The following RBFOX1 variants were observed in gnomAD, a reference collection of about 807,000 sequenced individuals.
The protein encoded by RBFOX1 is RNA binding fox-1 homolog 1.
In RBFOX1, 8 loss-of-function variants were observed where a neutral mutation model predicts 57.7. The observed-to-expected ratio is 0.14, with a 90% CI of 0.08 to 0.25. The LOEUF is 0.25. RBFOX1 is among the 10% of genes least tolerant of loss of function. The pLI, the probability that RBFOX1 is intolerant of heterozygous loss-of-function variation, is 1.00. For synonymous variants in RBFOX1, 326 were observed against 222.4 expected (o/e 1.47, Z -4.15); for missense variants, 611 against 548.5 (o/e 1.11, Z -1.14).
intron 7 of RBFOX1, 30 bp from the exon 8 acceptor site, chr16:7,595,519 G>A (rs1489529525): frequency 1.3e-6 from 2 of 1,498,174 alleles, no homozygotes; most frequent in Admixed American, 1.9e-5. Flanking sequence ...TAATCTGCAT[G>A]TTGTTTTCCC....
At chr16:7,334,565 G>T (rs1293025399) in intron 4 of RBFOX1, among the ~76,000 whole-genome samples, 1 of 152,158 alleles carries the variant, frequency 6.6e-6, no homozygotes, top group Admixed American at 6.6e-5. Context: ...GTTCTCATAA[G>T]TTCCTGTTAT....
intron 4 of RBFOX1, among the ~76,000 whole-genome samples, chr16:7,443,297 A>G (rs1279434810): frequency 6.6e-6 from 1 of 152,140 alleles, no homozygotes; most frequent in Non-Finnish European, 1.5e-5. Flanking sequence ...TTAGAAGGTT[A>G]CAGAAAATGC....
At chr16:7,007,469 T>C (rs1250299419) in intron 3 of RBFOX1, among the ~76,000 whole-genome samples, 3 of 152,204 alleles carry the variant, frequency 2.0e-5, no homozygotes, top group Non-Finnish European at 4.4e-5. Context: ...TGATAACATC[T>C]AGAAAATCCT....
At chr16:5,583,952 G>T (rs2046753879) in intron 2 of RBFOX1, among the ~76,000 whole-genome samples, 1 of 152,172 alleles carries the variant, frequency 6.6e-6, no homozygotes, top group African/African-American at 2.4e-5. Context: ...TCCGGGAATG[G>T]CCCAGGGAGC....
At position 6,864,995 on chromosome 16, in the gene RBFOX1, C is replaced by T. The variant is rs67575008; in HGVS notation, c.-15-187062C>T. Among the ~76,000 whole-genome samples the T allele has an allele frequency of 3.7e-3, 307 of 82,542 alleles. 2 individuals are homozygous for T. Among genetic ancestry groups the T allele is most frequent in the African/African-American group, 8.1e-3 (143 of 17,734 alleles). 54.2% of individuals were successfully genotyped at this position (82,542 alleles called of 152,430 possible). A position where few individuals can be genotyped will look rare whatever the true frequency, so the allele number is the denominator to read the frequency against. ...AATGTTGGAGTGGGTTTTTCTTTTT[C>T]TTTTTTTTTTTTTTTTTTTTTTTTG... On this transcript the variant is annotated intron_variant, in intron 3 of 15. Coordinates refer to ENST00000550418, the MANE Select transcript of RBFOX1 (RefSeq NM_018723.4).
intron 1 of RBFOX1, among the ~76,000 whole-genome samples, chr16:6,280,985 A>G (rs902390040): frequency 4.0e-5 from 6 of 150,138 alleles, no homozygotes; most frequent in Admixed American, 3.3e-4. Context: ...GTGTATATAT[A>G]TGTGTGTGTG....
chr16:6,137,683 G>A (rs1490960867), intron 1 of RBFOX1, among the ~76,000 whole-genome samples: 1 of 134,668 alleles, frequency 7.4e-6, no homozygotes, highest in African/African-American at 2.9e-5. Flanking sequence ...ACACAATCAT[G>A]GCTTACTACA....
chr16:7,694,008 C>G (rs550397661), intron 14 of RBFOX1, among the ~76,000 whole-genome samples: 2 of 152,256 alleles, frequency 1.3e-5, no homozygotes, highest in South Asian at 2.1e-4. Flanking sequence ...ATACGTCCAT[C>G]AAAATAACAC....
intron 4 of RBFOX1, among the ~76,000 whole-genome samples, chr16:7,427,438 C>T (rs547725764): frequency 1.5e-4 from 23 of 152,066 alleles, no homozygotes; most frequent in African/African-American, 4.8e-4. Flanking sequence ...TGCAAAAATG[C>T]GAAACGTACC....
intron 1 of RBFOX1, among the ~76,000 whole-genome samples, chr16:5,466,717 C>T (rs77517766): frequency 0.015 from 2,212 of 152,292 alleles, 47 homozygotes; most frequent in East Asian, 0.083. Flanking sequence ...TCCCATCACT[C>T]GGTTTGATGG....
intron 4 of RBFOX1, among the ~76,000 whole-genome samples, chr16:7,082,998 T>G (rs1478715): frequency 2.0e-5 from 3 of 152,014 alleles, no homozygotes; most frequent in Non-Finnish European, 4.4e-5. Flanking sequence ...TGGTTTTGAA[T>G]TGAATATTTG....
intron 2 of RBFOX1, among the ~76,000 whole-genome samples, chr16:6,610,762 C>T (rs1357097176): frequency 6.6e-6 from 1 of 152,194 alleles, no homozygotes; most frequent in East Asian, 1.9e-4. Context: ...ATGATAACAT[C>T]ACCAACAAAA....
intron 4 of RBFOX1, among the ~76,000 whole-genome samples, chr16:7,372,012 AG>A (rs905230909): frequency 6.6e-6 from 1 of 151,994 alleles, no homozygotes; most frequent in African/African-American, 2.4e-5. Flanking sequence ...GCATACACTG[AG>A]TTATCTGATA....
chr16:7,653,287 AC>A (rs1316148634), intron 11 of RBFOX1, among the ~76,000 whole-genome samples: 5 of 152,010 alleles, frequency 3.3e-5, no homozygotes, highest in African/African-American at 1.2e-4. Flanking sequence ...GACTGCTTGA[AC>A]CCAGGACTTC....
chr16:7,682,865 C>A (rs2075120218), intron 14 of RBFOX1, among the ~76,000 whole-genome samples: 1 of 148,660 alleles, frequency 6.7e-6, no homozygotes, highest in Non-Finnish European at 1.5e-5. Flanking sequence ...TTTGCCTATT[C>A]AGACTCTCCT....
intron 4 of RBFOX1, among the ~76,000 whole-genome samples, chr16:7,193,438 T>A (rs547595471): frequency 1.5e-4 from 23 of 152,292 alleles, no homozygotes; most frequent in African/African-American, 5.1e-4. Flanking sequence ...ATAAGATGGG[T>A]TGTTTGTGTT....
chr16:6,836,641 C>T (rs532415025), intron 3 of RBFOX1, among the ~76,000 whole-genome samples: 94 of 152,248 alleles, frequency 6.2e-4, no homozygotes, highest in African/African-American at 2.1e-3. Context: ...CGGACTTTCA[C>T]CCCGCTTCGG....
chr16:7,576,091 CA>C (rs1488247593), intron 5 of RBFOX1, among the ~76,000 whole-genome samples: 18 of 126,856 alleles, frequency 1.4e-4, no homozygotes, highest in Non-Finnish European at 2.1e-4. Flanking sequence ...TGGCCATGAT[CA>C]GCTATTTTTT....
chr16:6,902,343 T>C (rs1211397278), intron 3 of RBFOX1, among the ~76,000 whole-genome samples: 2 of 152,156 alleles, frequency 1.3e-5, no homozygotes, highest in Non-Finnish European at 2.9e-5. Context: ...CAAAACTCTG[T>C]TAGTAATTTC....
Sources: allele counts gnomAD v4.1 joint callset (sites outside exome capture counted in the v4.1 genomes callset), GRCh38; gene constraint gnomAD v4.1.1; transcripts MANE v1.5; gene names NCBI Gene and HGNC (gene_info 2026-07-23, HGNC 2026-07-21).